VRK2: variants seen among roughly 807,000 people sequenced by gnomAD.
VRK2 encodes the protein serine/threonine-protein kinase VRK2.
A neutral mutation model predicts 57.6 loss-of-function variants in VRK2; 60 were observed. The observed-to-expected ratio is 1.04, with a 90% CI of 0.85 to 1.29. The LOEUF is 1.29. VRK2 is among the 50% of genes most tolerant of loss of function. The pLI, the probability that VRK2 is intolerant of heterozygous loss-of-function variation, is 0.00. For missense variants in VRK2, 705 were observed against 588.1 expected, an observed-to-expected ratio of 1.20 and a Z score of -2.06; for synonymous variants, 231 against 199.2, an observed-to-expected ratio of 1.16 and a Z score of -1.35.
chr2:58,028,886 A>AAATG (rs1674017719), intron 2 of VRK2, among the ~76,000 whole-genome samples: 1 of 96,878 alleles, frequency 1.0e-5, no homozygotes, highest in Non-Finnish European at 2.0e-5. Context: ...AAAGTATAAT[A>AAATG]AATAAATAAA....
intron 7 of VRK2, among the ~76,000 whole-genome samples, chr2:58,114,619 G>T (rs953475351): frequency 1.7e-4 from 25 of 144,516 alleles, no homozygotes; most frequent in African/African-American, 5.5e-4. Context: ...GCTTGGTGAG[G>T]TGTGTTTTTA....
chr2:57,967,849 A>G (rs935698154), intron 1 of VRK2, among the ~76,000 whole-genome samples: 1 of 152,180 alleles, frequency 6.6e-6, no homozygotes, highest in Non-Finnish European at 1.5e-5. Flanking sequence ...TTAGAAAAAA[A>G]TCTACATATT....
intron 7 of VRK2, among the ~76,000 whole-genome samples, chr2:58,117,118 A>G (rs1252720243): frequency 6.6e-6 from 1 of 152,166 alleles, no homozygotes; most frequent in African/African-American, 2.4e-5. Flanking sequence ...AATAAAATGT[A>G]TATTGAGAAT....
At chr2:58,125,239 A>AT (rs1678159262) in intron 8 of VRK2, among the ~76,000 whole-genome samples, 1 of 152,146 alleles carries the variant, frequency 6.6e-6, no homozygotes, top group South Asian at 2.1e-4. Flanking sequence ...TTGTGGAAAG[A>AT]GAAGTAGAGT....
rs1407085926 is a variant in VRK2, at chr2:58,084,226, A to G, written c.186+88A>G. The stretch of plus-strand genomic sequence containing the variant: ...AATGTTTTTCACGTTAATTTTTGTA[A>G]CTATTGCCTTATCAGTAAACCTAAT... On this transcript the variant is annotated intron_variant, in intron 3 of 12. Coordinates refer to ENST00000340157, the MANE Select transcript of VRK2 (RefSeq NM_006296.7). The G allele has an allele frequency of 2.2e-6, 3 of 1,350,422 alleles. No individual in the cohort carries two copies. The African/African-American group carries it at 4.4e-5, about 20-fold the overall frequency. The allele number at this position is 1,350,422 out of a possible 1,614,324, so 83.7% of individuals were successfully genotyped here.
chr2:58,058,120 A>T (rs1676803767), intron 2 of VRK2, among the ~76,000 whole-genome samples: 1 of 152,162 alleles, frequency 6.6e-6, no homozygotes, highest in South Asian at 2.1e-4. Context: ...TAGAACACTG[A>T]GAGGCAAGGG....
rs1299998849 is a variant in VRK2, at chr2:58,041,328, GC to G, written c.-5-7494del. On this transcript the variant is annotated intron_variant, in intron 3 of 15. Transcript: ENST00000417641. ...CTATAAATGAAAAATAAAATTCTAA[GC>G]CCCCGAACTAACTGAATGGACCCCT... Among the ~76,000 whole-genome samples the G allele has an allele frequency of 3.9e-5, 6 of 152,088 alleles. No homozygotes were observed. The East Asian group carries it at 1.2e-3, about 29-fold the overall frequency.
chr2:57,923,314 C>T (rs1195086185), intron 1 of VRK2, among the ~76,000 whole-genome samples: 1 of 152,010 alleles, frequency 6.6e-6, no homozygotes, highest in Non-Finnish European at 1.5e-5. Context: ...AACTGTTCTC[C>T]ACAGTGATTG....
intron 1 of VRK2, among the ~76,000 whole-genome samples, chr2:57,957,265 A>G (rs1227845301): frequency 1.3e-5 from 2 of 152,178 alleles, no homozygotes; most frequent in African/African-American, 4.8e-5. Context: ...TGTACTTTAA[A>G]TTAATTTTCT....
chr2:58,055,621 G>C (rs536682332), intron 2 of VRK2, among the ~76,000 whole-genome samples: 1 of 152,176 alleles, frequency 6.6e-6, no homozygotes, highest in Admixed American at 6.5e-5. Flanking sequence ...AGAGCCAGGT[G>C]CAATCAAAGC....
chr2:58,108,174 A>G (rs1190182677), intron 7 of VRK2, among the ~76,000 whole-genome samples: 3 of 151,950 alleles, frequency 2.0e-5, no homozygotes, highest in Non-Finnish European at 2.9e-5. Flanking sequence ...TTCTCTATTT[A>G]TTGAATCATC....
chr2:57,947,563 C>T (rs1671299845), intron 1 of VRK2, among the ~76,000 whole-genome samples: 1 of 152,188 alleles, frequency 6.6e-6, no homozygotes, highest in African/African-American at 2.4e-5. Flanking sequence ...TCCTGGGTTA[C>T]AGAGCCACCC....
At chr2:58,090,112 G>A (rs1672161181) in intron 7 of VRK2, among the ~76,000 whole-genome samples, 1 of 149,592 alleles carries the variant, frequency 6.7e-6, no homozygotes, top group Non-Finnish European at 1.5e-5. Flanking sequence ...TTTAAGCAGA[G>A]AGGCCGGGCG....
At chr2:58,127,902 ACTTTT>A (rs1184651015) in intron 8 of VRK2, among the ~76,000 whole-genome samples, 2 of 152,174 alleles carry the variant, frequency 1.3e-5, no homozygotes, top group Non-Finnish European at 2.9e-5. Flanking sequence ...TAATACTTAG[ACTTTT>A]CTTTTTCTCC....
intron 1 of VRK2, among the ~76,000 whole-genome samples, chr2:57,931,157 A>G (rs1670710751): frequency 6.6e-6 from 1 of 152,138 alleles, no homozygotes; most frequent in South Asian, 2.1e-4. Context: ...ACGTATACCC[A>G]GTAATAAGAC....
intron 7 of VRK2, among the ~76,000 whole-genome samples, chr2:58,117,280 G>A (rs1295129062): frequency 6.6e-6 from 1 of 152,136 alleles, no homozygotes; most frequent in Non-Finnish European, 1.5e-5. Flanking sequence ...CATTAACCTT[G>A]ACTATGCCTT....
chr2:58,158,885 G>C (rs1324311704), intron 12 of VRK2, among the ~76,000 whole-genome samples: 1 of 151,794 alleles, frequency 6.6e-6, no homozygotes, highest in Non-Finnish European at 1.5e-5. Context: ...AGTTTTCTTT[G>C]GCTGTGTACA....
chr2:57,980,136 T>A (rs1345739965), intron 1 of VRK2, among the ~76,000 whole-genome samples: 1 of 152,166 alleles, frequency 6.6e-6, no homozygotes, highest in African/African-American at 2.4e-5. Flanking sequence ...AGATCATTAA[T>A]TTGAGACCTT....
intron 2 of VRK2, among the ~76,000 whole-genome samples, chr2:58,051,904 A>G (rs1413750778): frequency 6.6e-6 from 1 of 152,242 alleles, no homozygotes; most frequent in Non-Finnish European, 1.5e-5. Flanking sequence ...TTTGAATATG[A>G]AAAGAGAAGG....
Sources: allele counts gnomAD v4.1 joint callset (sites outside exome capture counted in the v4.1 genomes callset), GRCh38; gene constraint gnomAD v4.1.1; transcripts MANE v1.5; gene names NCBI Gene and HGNC (gene_info 2026-07-23, HGNC 2026-07-21).